Variants in FLT4 observed in about 807,000 individuals in gnomAD.
FLT4 encodes vascular endothelial growth factor receptor 3.
In FLT4, 30 loss-of-function variants were observed where a neutral mutation model predicts 163.2. The observed-to-expected ratio is 0.18, with a 90% CI of 0.14 to 0.25. FLT4 has a LOEUF of 0.25. Ranked by LOEUF, FLT4 falls within the 10% of genes least tolerant of loss-of-function variation. The probability of loss-of-function intolerance (pLI) is 1.00; values close to 1 mark genes in which losing one functional copy is unlikely to be tolerated. For synonymous variants in FLT4, 884 were observed against 789.5 expected, an observed-to-expected ratio of 1.12 and a Z score of -2.01; for missense variants, 1,510 against 1,863.8, an observed-to-expected ratio of 0.81 and a Z score of 3.50.
chr5:180,613,976 T>C, intron 24 of FLT4, 92 bp downstream of exon 24: 1 of 892,790 alleles, frequency 1.1e-6, no homozygotes. Context: ...CACCTCCAGG[T>C]GCCCAGTCCC....
At position 180,630,571 on chromosome 5, in the gene FLT4, G is replaced by C; in HGVS notation, c.384C>G (p.Ser128=). The change falls in exon 3 of 30, where the codon TCC becomes TCG. Residue 128 remains serine, a synonymous_variant. Coordinates refer to ENST00000261937, the MANE Select transcript of FLT4 (RefSeq NM_182925.5). This position sits in a 1 kb window ranked among gnomAD's most constrained non-coding sequence, Gnocchi z 6.3. ...AAGTCTCACCTCTCACGAACACGTA[G>C]GAGCTGGCGGCCGTGGTGCCCTCGA... is the stretch of plus-strand genomic sequence containing the variant. ...ARIEGTTAAS[S]YVFVRDFEQP... is the part of the protein sequence containing the mutation. The C allele has an allele frequency of 6.2e-7, 1 of 1,613,012 alleles. No homozygotes were observed. Among genetic ancestry groups the C allele is most frequent in the Non-Finnish European group, 8.5e-7 (1 of 1,179,964 alleles).
chr5:180,619,011 G>A lies in FLT4; in HGVS notation c.2850+10C>T, dbSNP rs1400974500. 10 of 1,547,778 alleles carry A rather than the reference G, an allele frequency of 6.5e-6. No individual in the cohort carries two copies. The South Asian group carries it at 9.5e-5, about 15-fold the overall frequency. ...CGCCGCCCGCGGCGCCCCGCAGGCC[G>A]CCCGCTCACCGCGCAGGGGCTGAAG... On this transcript the variant is annotated intron_variant, in intron 20 of 29. Coordinates refer to ENST00000261937, the MANE Select transcript of FLT4 (RefSeq NM_182925.5).
rs1048261398 is a variant in FLT4, at chr5:180,616,791, A to C, written c.3096+109T>G. 8.6e-6 allele frequency: 8 copies of C among 935,370 alleles called. No individual in the cohort carries two copies. The African/African-American group carries it at 1.3e-4, about 15-fold the overall frequency. 57.9% of individuals were successfully genotyped at this position (935,370 alleles called of 1,614,324 possible). On this transcript the variant is annotated intron_variant, in intron 22 of 29. Transcript: ENST00000261937. ...TCCTCCTCTGCAAAGTGGGAGAGACACTGATGGACCACAGAGCCATTGCAG... is the reference window on the plus strand; with the variant it reads ...TCCTCCTCTGCAAAGTGGGAGAGACCCTGATGGACCACAGAGCCATTGCAG...
intron 28 of FLT4, 99 bp downstream of exon 28, chr5:180,609,806 G>T: frequency 6.9e-7 from 1 of 1,439,868 alleles, no homozygotes; most frequent in Non-Finnish European, 9.7e-7. Flanking sequence ...GACAGTCGTT[G>T]GGTTCTGCCA....
chr5:180,624,935 A>C (rs1763482057), intron 10 of FLT4, among the ~76,000 whole-genome samples: 1 of 152,226 alleles, frequency 6.6e-6, no homozygotes, highest in African/African-American at 2.4e-5. Context: ...CAGAGCATAC[A>C]GGTGGCACAC....
intron 7 of FLT4, 118 bp downstream of exon 7, chr5:180,629,141 C>T: frequency 6.8e-7 from 1 of 1,468,542 alleles, no homozygotes; most frequent in Non-Finnish European, 9.5e-7. Context: ...AGGAGCTGGG[C>T]AGCTCCTCTG....
At chr5:180,614,037 T>C in intron 24 of FLT4, 31 bp downstream of exon 24, 1 of 1,488,978 alleles carries the variant, frequency 6.7e-7, no homozygotes, top group South Asian at 1.1e-5. Context: ...CCTCGCCTCC[T>C]CTCCCCACCG....
At chr5:180,629,613 C>A (rs1763928538) in intron 6 of FLT4, 83 bp downstream of exon 6, 1 of 1,527,634 alleles carries the variant, frequency 6.5e-7, no homozygotes, top group Non-Finnish European at 8.9e-7. Context: ...GCCCACACAT[C>A]CTCCACGCGG....
At chr5:180,649,724 T>C (rs1196868886), upstream of FLT4, 1 of 188,876 alleles carries the variant, frequency 5.3e-6, no homozygotes. Flanking sequence ...CCGCGGGGCG[T>C]CCGGTGCACC....
At chr5:180,649,608 C>G (rs1765650513), upstream of FLT4, 1 of 893,028 alleles carries the variant, frequency 1.1e-6, no homozygotes, top group Non-Finnish European at 1.4e-6. Flanking sequence ...AGTGTCCGCG[C>G]GGGCGCCGGC....
intron 7 of FLT4, 127 bp from the exon 8 acceptor site, chr5:180,629,126 G>C: frequency 6.9e-7 from 1 of 1,442,456 alleles, no homozygotes; most frequent in African/African-American, 1.4e-5. Context: ...CATGCCGCCC[G>C]GTGCAGGAGC....
chr5:180,627,816 A>C (rs1581669918), intron 8 of FLT4, among the ~76,000 whole-genome samples: 1 of 152,120 alleles, frequency 6.6e-6, no homozygotes, highest in East Asian at 1.9e-4. Context: ...CAGGAGCTGT[A>C]CCCGTGAGTG....
At chr5:180,640,208 G>T (rs533664479) in intron 1 of FLT4, among the ~76,000 whole-genome samples, 116 of 152,264 alleles carry the variant, frequency 7.6e-4, no homozygotes, top group African/African-American at 2.5e-3. Context: ...CGAGCGAGGT[G>T]GGGGGCAGCC....
In FLT4 at chr5:180,603,790, G is replaced by C. The variant is rs1191516225; in HGVS notation, c.3894-400C>G. Reference sequence around the variant, plus strand: ...GTGGTGGCGGGCGCCTGTAGTCCCAGCTACTCGGGAGGCTGAGGCAGGAGA... The same window carrying C: ...GTGGTGGCGGGCGCCTGTAGTCCCACCTACTCGGGAGGCTGAGGCAGGAGA... On this transcript the variant is annotated intron_variant, in intron 29 of 29. Transcript: ENST00000261937. Among the ~76,000 whole-genome samples, 179 of 152,230 alleles carry C rather than the reference G, an allele frequency of 1.2e-3. 2 individuals carry two copies. Among genetic ancestry groups the C allele is most frequent in the Non-Finnish European group, 3.1e-4 (21 of 68,028 alleles).
rs575580510 is a variant in FLT4, at chr5:180,631,433, A to C, written c.155+249T>G. ...GCTTGCAGTGAGCCGAGATCGCACC[A>C]CTGCACTCCAGCCTGGGTGACAGAG... On this transcript the variant is annotated intron_variant, in intron 2 of 29. Coordinates refer to ENST00000261937, the MANE Select transcript of FLT4 (RefSeq NM_182925.5). 6.8e-4 allele frequency among the ~76,000 whole-genome samples: 104 copies of C among 151,898 alleles called. 1 individual carries two copies. The East Asian group carries it at 0.011, about 16-fold the overall frequency.
At chr5:180,604,006 AAAAC>A (rs981000140) in intron 29 of FLT4, among the ~76,000 whole-genome samples, 9 of 152,136 alleles carry the variant, frequency 5.9e-5, no homozygotes, top group Non-Finnish European at 8.8e-5. Flanking sequence ...CCCTGTCTCA[AAAAC>A]AAACTAACAA....
chr5:180,644,457 G>A (rs1351481540), intron 1 of FLT4, among the ~76,000 whole-genome samples: 1 of 152,246 alleles, frequency 6.6e-6, no homozygotes, highest in Non-Finnish European at 1.5e-5. Context: ...CAGCCCTCTA[G>A]GGCATTCCCT....
chr5:180,649,403 C>A, intron 1 of FLT4, 85 bp downstream of exon 1: 1 of 1,019,488 alleles, frequency 9.8e-7, no homozygotes, highest in Non-Finnish European at 1.4e-6. Flanking sequence ...CCCGGCGGAG[C>A]GGTCTCAGCG....
At chr5:180,611,033 G>A (rs551887538) in intron 27 of FLT4, among the ~76,000 whole-genome samples, 106 of 152,316 alleles carry the variant, frequency 7.0e-4, no homozygotes, top group African/African-American at 2.2e-3. Flanking sequence ...CTCCAGCCTG[G>A]GCGACAGAGC....
Sources: allele counts gnomAD v4.1 joint callset (sites outside exome capture counted in the v4.1 genomes callset), GRCh38; gene constraint gnomAD v4.1.1; non-coding constraint Gnocchi (gnomAD v3.1); transcripts MANE v1.5; gene names NCBI Gene and HGNC (gene_info 2026-07-23, HGNC 2026-07-21).